The following PIK3CB variants were observed in gnomAD, a reference collection of about 807,000 sequenced individuals.
The protein encoded by PIK3CB is phosphatidylinositol 4,5-bisphosphate 3-kinase catalytic subunit beta isoform.
A neutral mutation model predicts 136.8 loss-of-function variants in PIK3CB; 39 were observed. The observed-to-expected ratio is 0.29, with a 90% CI of 0.22 to 0.37. The LOEUF is 0.37. Among genes scored for constraint, PIK3CB ranks in the 10% least tolerant of loss-of-function variants. The probability of loss-of-function intolerance (pLI) is 1.00; values close to 1 mark genes in which losing one functional copy is unlikely to be tolerated. For synonymous variants in PIK3CB, 428 were observed against 436.6 expected (o/e 0.98, Z 0.25); for missense variants, 868 against 1,275.4 (o/e 0.68, Z 4.87).
chr3:138,797,418 C>T (rs1350759953), intron 1 of PIK3CB, among the ~76,000 whole-genome samples: 1 of 152,172 alleles, frequency 6.6e-6, no homozygotes, highest in African/African-American at 2.4e-5. Flanking sequence ...TGCGTGACTG[C>T]ACAGATTGCA....
intron 1 of PIK3CB, among the ~76,000 whole-genome samples, chr3:138,807,307 A>C (rs2675507): frequency 6.6e-6 from 1 of 151,960 alleles, no homozygotes; most frequent in Admixed American, 6.6e-5. Context: ...GGTGGCACAC[A>C]CCTGTAATCC....
chr3:138,776,930 A>AG (rs1239246385), intron 2 of PIK3CB, among the ~76,000 whole-genome samples: 1 of 151,768 alleles, frequency 6.6e-6, no homozygotes, highest in African/African-American at 2.4e-5. Flanking sequence ...CTCAAAAAAA[A>AG]AAAAAAAAAA....
At chr3:138,805,824 G>A (rs755174000) in intron 1 of PIK3CB, among the ~76,000 whole-genome samples, 1 of 151,390 alleles carries the variant, frequency 6.6e-6, no homozygotes, top group Non-Finnish European at 1.5e-5. Flanking sequence ...CCCCATCCCC[G>A]GTCCAAGCGA....
chr3:138,760,881 T>C (rs899958089), intron 2 of PIK3CB, among the ~76,000 whole-genome samples: 1 of 152,176 alleles, frequency 6.6e-6, no homozygotes, highest in African/African-American at 2.4e-5. Flanking sequence ...CACTCCAGCC[T>C]GGACAACAAA....
chr3:138,766,716 A>G (rs763647760), intron 2 of PIK3CB, among the ~76,000 whole-genome samples: 8 of 152,230 alleles, frequency 5.3e-5, no homozygotes, highest in Non-Finnish European at 1.0e-4. Context: ...CAAAGTATCA[A>G]TTGATTCAGA....
intron 2 of PIK3CB, among the ~76,000 whole-genome samples, chr3:138,787,939 T>C (rs1559878648): frequency 6.6e-6 from 1 of 151,270 alleles, no homozygotes; most frequent in Admixed American, 6.6e-5. Context: ...TTTTTTTTTT[T>C]TGAGACATGA....
intron 2 of PIK3CB, among the ~76,000 whole-genome samples, chr3:138,772,668 C>T (rs987568689): frequency 3.3e-5 from 5 of 149,332 alleles, no homozygotes; most frequent in East Asian, 3.9e-4. Flanking sequence ...GACAAGGTTT[C>T]GCTACATATT....
intron 8 of PIK3CB, among the ~76,000 whole-genome samples, chr3:138,727,444 A>T (rs1024827006): frequency 2.0e-5 from 3 of 152,242 alleles, no homozygotes; most frequent in African/African-American, 7.2e-5. Flanking sequence ...CTTAAAAGTT[A>T]GACAGGGCCA....
chr3:138,694,806 T>G lies in PIK3CB; in HGVS notation c.1872A>C (p.Val624=). The G allele has an allele frequency of 6.2e-7, 1 of 1,613,312 alleles. No individual in the cohort carries two copies. Among genetic ancestry groups the G allele is most frequent in the Non-Finnish European group, 8.5e-7 (1 of 1,179,632 alleles). The change falls in exon 14 of 24, where the codon GTA becomes GTC. Residue 624 remains valine, a synonymous_variant. Transcript: ENST00000674063. ...YPDQYVREYA[V]GCLRQMSDEE... ...GATACCTCATCTGTCGCAGGCAGCC[T>G]ACAGCATATTCTCGAACGTACTGGT...
chr3:138,669,255 T>TAA (rs35291087), intron 19 of PIK3CB, among the ~76,000 whole-genome samples: 9 of 151,258 alleles, frequency 6.0e-5, no homozygotes, highest in East Asian at 3.9e-4. Flanking sequence ...CTACAAAAAG[T>TAA]AAAAAAATTA....
At chr3:138,707,109 T>C (rs1354830552) in intron 11 of PIK3CB, 50 bp downstream of exon 11, 3 of 1,097,370 alleles carry the variant, frequency 2.7e-6, no homozygotes, top group African/African-American at 1.5e-5. Flanking sequence ...ATAGAGGAAC[T>C]GATCATTCAA....
At chr3:138,777,518 C>T (rs938167488) in intron 2 of PIK3CB, among the ~76,000 whole-genome samples, 1 of 152,128 alleles carries the variant, frequency 6.6e-6, no homozygotes, top group Non-Finnish European at 1.5e-5. Flanking sequence ...TGACTCCATC[C>T]CTCAGACGTC....
In PIK3CB at chr3:138,834,522, G is replaced by A. The variant is rs539492604; in HGVS notation, c.-122+173C>T. 4.6e-5 allele frequency among the ~76,000 whole-genome samples: 7 copies of A among 152,296 alleles called. No homozygotes were observed. In the South Asian group the frequency reaches 1.2e-3, roughly 27 times the overall value. ...AGCCAGACGCCCCCACCGGCCGGTAGGCGGTTATCCTCCAAGCTGGCAGGA... is the reference window on the plus strand; with the variant it reads ...AGCCAGACGCCCCCACCGGCCGGTAAGCGGTTATCCTCCAAGCTGGCAGGA... On this transcript the variant is annotated intron_variant, in intron 1 of 23. Coordinates refer to ENST00000674063, the MANE Select transcript of PIK3CB (RefSeq NM_006219.3).
At chr3:138,790,834 A>C (rs2046040421) in intron 2 of PIK3CB, among the ~76,000 whole-genome samples, 1 of 150,098 alleles carries the variant, frequency 6.7e-6, no homozygotes, top group African/African-American at 2.5e-5. Flanking sequence ...AAAAAAGAAA[A>C]AACCCTGAGT....
At chr3:138,831,281 A>AAAATTAAATAAAATT (rs1934024818) in intron 1 of PIK3CB, among the ~76,000 whole-genome samples, 1 of 148,282 alleles carries the variant, frequency 6.7e-6, no homozygotes, top group Non-Finnish European at 1.5e-5. Flanking sequence ...AAAATAAAAT[A>AAAATTAAATAAAATT]AAATTAAATT....
At chr3:138,729,031 A>G (rs1343226819) in intron 8 of PIK3CB, among the ~76,000 whole-genome samples, 1 of 152,162 alleles carries the variant, frequency 6.6e-6, no homozygotes, top group East Asian at 1.9e-4. Context: ...CTGTAATCCC[A>G]GCATTTTGGA....
chr3:138,715,767 T>C (rs2044594222), intron 8 of PIK3CB, among the ~76,000 whole-genome samples: 3 of 151,786 alleles, frequency 2.0e-5, no homozygotes, highest in South Asian at 2.1e-4. Flanking sequence ...GTTTAAAACC[T>C]ACTAAAATAG....
intron 12 of PIK3CB, among the ~76,000 whole-genome samples, chr3:138,701,552 C>A (rs138996365): frequency 6.6e-6 from 1 of 151,976 alleles, no homozygotes; most frequent in Non-Finnish European, 1.5e-5. Flanking sequence ...TTTGGGAGGC[C>A]GAGACGGGCA....
Position 138,788,964 on chromosome 3 carries a change from C to CAAAAAAAAAAAAAAAAAA in PIK3CB, c.-17+7481_-17+7498dup, listed in dbSNP as rs57432821. 1.1e-4 allele frequency among the ~76,000 whole-genome samples: 10 copies of CAAAAAAAAAAAAAAAAAA among 89,480 alleles called. 1 individual carries two copies. The highest frequency in any genetic ancestry group is 4.2e-4 in the African/African-American group (9 of 21,652). 58.7% of individuals were successfully genotyped at this position (89,480 alleles called of 152,430 possible). A position where few individuals can be genotyped will look rare whatever the true frequency, so the allele number is the denominator to read the frequency against. On this transcript the variant is annotated intron_variant, in intron 2 of 23. Coordinates refer to ENST00000674063, the MANE Select transcript of PIK3CB (RefSeq NM_006219.3). ...GGGGGAAAAGAGAGAGACTTCGTCT[C>CAAAAAAAAAAAAAAAAAA]AAAAAAAAAAAAAAAAAAAAAAAAA...
Sources: gnomAD v4.1 joint callset for allele counts (sites outside exome capture counted in the v4.1 genomes callset) on GRCh38, gnomAD v4.1.1 for gene constraint, MANE v1.5 for transcripts, NCBI Gene and HGNC (gene_info 2026-07-23, HGNC 2026-07-21) for gene names.